Variants in PPM1L observed in about 807,000 individuals in gnomAD.
PPM1L encodes protein phosphatase, Mg2+/Mn2+ dependent 1L.
Under a neutral mutation model 31.4 loss-of-function variants are expected in PPM1L, and 13 were observed. The ratio of observed to expected loss-of-function variants is 0.41; its 90% confidence interval spans 0.27 to 0.66. The LOEUF is 0.66. Ranked by LOEUF, PPM1L falls within the 30% of genes least tolerant of loss-of-function variation. PPM1L has a pLI of 0.29. For synonymous variants in PPM1L, 184 were observed against 175.4 expected (o/e 1.05, Z -0.39); for missense variants, 326 against 453.7 (o/e 0.72, Z 2.56).
At chr3:160,898,688 A>T (rs1410070830) in intron 1 of PPM1L, among the ~76,000 whole-genome samples, 2 of 152,150 alleles carry the variant, frequency 1.3e-5, no homozygotes, top group Non-Finnish European at 2.9e-5. Flanking sequence ...TTCTGACGAT[A>T]AAGTTCTAAT....
At chr3:161,037,962 G>T (rs896530841) in intron 2 of PPM1L, among the ~76,000 whole-genome samples, 1 of 151,880 alleles carries the variant, frequency 6.6e-6, no homozygotes, top group African/African-American at 2.4e-5. Context: ...GGCCGGGCGC[G>T]GTGGCTCACG....
chr3:160,818,463 A>G (rs1713059484), intron 1 of PPM1L, among the ~76,000 whole-genome samples: 1 of 152,038 alleles, frequency 6.6e-6, no homozygotes, highest in South Asian at 2.1e-4. Context: ...ACTGCCCTAC[A>G]TTTCTTTCAG....
At chr3:161,008,495 C>G (rs1254232303) in intron 2 of PPM1L, among the ~76,000 whole-genome samples, 1 of 152,192 alleles carries the variant, frequency 6.6e-6, no homozygotes, top group Non-Finnish European at 1.5e-5. Context: ...AAACTATGAT[C>G]GAGGACATTT....
chr3:161,022,160 T>G, intron 2 of PPM1L: 1 of 683,690 alleles, frequency 1.5e-6, no homozygotes, highest in Non-Finnish European at 2.7e-6. Context: ...CTTAGTTACT[T>G]TTTGAATGAC....
Position 161,046,515 on chromosome 3 carries a change from G to A in PPM1L, c.575-18888G>A, listed in dbSNP as rs1576804621. Among the ~76,000 whole-genome samples, 4 of 152,242 alleles carry A rather than the reference G, an allele frequency of 2.6e-5. 1 individual carries two copies. Among genetic ancestry groups the A allele is most frequent in the African/African-American group, 9.6e-5 (4 of 41,542 alleles). ...AGCCGAATTCTACCAGAGGTACAAG[G>A]AGGAGCTGGTACCATTCCTTCTGAA... On this transcript the variant is annotated intron_variant, in intron 2 of 3. Transcript: ENST00000498165.
At chr3:160,911,273 C>G (rs951575806) in intron 1 of PPM1L, among the ~76,000 whole-genome samples, 14 of 152,178 alleles carry the variant, frequency 9.2e-5, no homozygotes, top group Admixed American at 6.5e-4. Flanking sequence ...ATGTCACTGT[C>G]AGAGTAATGA....
intron 1 of PPM1L, among the ~76,000 whole-genome samples, chr3:160,764,418 C>A (rs181231117): frequency 1.3e-5 from 2 of 151,592 alleles, no homozygotes; most frequent in Admixed American, 1.3e-4. Flanking sequence ...TCATTTTGCT[C>A]TATAATGCTT....
At chr3:160,782,015 C>T (rs1711760558) in intron 1 of PPM1L, among the ~76,000 whole-genome samples, 1 of 152,068 alleles carries the variant, frequency 6.6e-6, no homozygotes, top group Non-Finnish European at 1.5e-5. Context: ...ATTTACATGC[C>T]ATAAAATTCA....
intron 1 of PPM1L, among the ~76,000 whole-genome samples, chr3:160,955,819 T>G (rs899676142): frequency 6.6e-6 from 1 of 150,798 alleles, no homozygotes; most frequent in Admixed American, 6.6e-5. Flanking sequence ...TCCGGATAAT[T>G]TTTTTTTTGT....
chr3:160,912,202 G>T (rs1714000362), intron 1 of PPM1L, among the ~76,000 whole-genome samples: 1 of 152,168 alleles, frequency 6.6e-6, no homozygotes, highest in Admixed American at 6.5e-5. Flanking sequence ...CCTGGGCCCA[G>T]TGAAAACCTT....
chr3:160,825,396 G>A (rs1307464753), intron 1 of PPM1L, among the ~76,000 whole-genome samples: 1 of 152,068 alleles, frequency 6.6e-6, no homozygotes, highest in Non-Finnish European at 1.5e-5. Context: ...CTAAAAAAGT[G>A]TCATTTTCTT....
At chr3:160,876,346 T>G (rs889745423) in intron 1 of PPM1L, among the ~76,000 whole-genome samples, 1 of 152,164 alleles carries the variant, frequency 6.6e-6, no homozygotes, top group Non-Finnish European at 1.5e-5. Context: ...CTGCCACACT[T>G]GTTAGTGTGG....
chr3:160,948,328 TAA>T (rs869071387), intron 1 of PPM1L, among the ~76,000 whole-genome samples: 12 of 67,752 alleles, frequency 1.8e-4, no homozygotes, highest in Non-Finnish European at 7.6e-4. Flanking sequence ...TTCCTCTTGC[TAA>T]AATAAGATAC....
chr3:160,770,060 C>T (rs1168693615), intron 1 of PPM1L, among the ~76,000 whole-genome samples: 1 of 152,172 alleles, frequency 6.6e-6, no homozygotes, highest in African/African-American at 2.4e-5. Flanking sequence ...GTTTTCTCAT[C>T]TGATTATTGT....
intron 2 of PPM1L, among the ~76,000 whole-genome samples, chr3:161,004,723 TTC>T (rs1175452331): frequency 4.1e-4 from 62 of 149,562 alleles, no homozygotes; most frequent in Non-Finnish European, 6.9e-4. Flanking sequence ...TATTTGATTC[TTC>T]TCTCTTTTTT....
chr3:160,887,611 C>T lies in PPM1L; in HGVS notation c.400-74125C>T, dbSNP rs6775341. On this transcript the variant is annotated intron_variant, in intron 1 of 3. Transcript: ENST00000498165. ...CTTTTTTTTTTTTGAGATGGAGTCTCGCTCTGTCACCCACGCTGGAGTGCA... is the reference window on the plus strand; with the variant it reads ...CTTTTTTTTTTTTGAGATGGAGTCTTGCTCTGTCACCCACGCTGGAGTGCA... 1.8e-3 allele frequency among the ~76,000 whole-genome samples: 262 copies of T among 146,666 alleles called. 1 individual carries two copies. The highest frequency in any genetic ancestry group is 6.1e-3 in the African/African-American group (239 of 39,476).
intron 1 of PPM1L, among the ~76,000 whole-genome samples, chr3:160,799,436 T>C (rs557670169): frequency 1.3e-5 from 2 of 152,358 alleles, no homozygotes; most frequent in Non-Finnish European, 2.9e-5. Flanking sequence ...GCTCAGTTGA[T>C]TATCAGCATT....
chr3:160,864,433 T>C (rs1330725045), intron 1 of PPM1L, among the ~76,000 whole-genome samples: 1 of 152,134 alleles, frequency 6.6e-6, no homozygotes, highest in African/African-American at 2.4e-5. Context: ...CACCTCAGCT[T>C]CCCCAAATGC....
At chr3:160,931,916 A>G (rs1342624651) in intron 1 of PPM1L, among the ~76,000 whole-genome samples, 5 of 152,196 alleles carry the variant, frequency 3.3e-5, no homozygotes, top group Admixed American at 1.3e-4. Context: ...TACTTTCTCT[A>G]AGTAGTCAAT....
Sources: gnomAD v4.1 joint callset for allele counts (sites outside exome capture counted in the v4.1 genomes callset) on GRCh38, gnomAD v4.1.1 for gene constraint, MANE v1.5 for transcripts, NCBI Gene and HGNC (gene_info 2026-07-23, HGNC 2026-07-21) for gene names.